Variants in FHIT observed in about 807,000 individuals in gnomAD.
The protein encoded by FHIT is fragile histidine triad diadenosine triphosphatase.
Under a neutral mutation model 17.9 loss-of-function variants are expected in FHIT, and 19 were observed. The ratio of observed to expected loss-of-function variants is 1.06; its 90% CI spans 0.74 to 1.56. The LOEUF (loss-of-function observed/expected upper bound fraction) is 1.56. FHIT is among the 40% of genes most tolerant of loss of function. The probability of loss-of-function intolerance (pLI) is 0.00; values close to 1 mark genes in which losing one functional copy is unlikely to be tolerated. For missense variants in FHIT, 248 were observed against 189.2 expected (o/e 1.31, Z -1.82); for synonymous variants, 81 against 69.7 (o/e 1.16, Z -0.81).
chr3:60,862,720 T>C lies in FHIT; in HGVS notation c.-110-40709A>G, dbSNP rs113706103. On this transcript the variant is annotated intron_variant, in intron 3 of 9. Transcript: ENST00000492590. The stretch of plus-strand genomic sequence containing the variant: ...TACAAAACTTAGCCAGGCATGGTGG[T>C]GAGTGCCTGTAATCCCAGCTACTTG... 8.8e-3 allele frequency among the ~76,000 whole-genome samples: 1,339 copies of C among 151,884 alleles called. 19 individuals are homozygous for C. Among genetic ancestry groups the C allele is most frequent in the African/African-American group, 0.029 (1,221 of 41,430 alleles).
chr3:61,127,654 C>T (rs1235401212), intron 2 of FHIT, among the ~76,000 whole-genome samples: 5 of 152,052 alleles, frequency 3.3e-5, no homozygotes, highest in Non-Finnish European at 7.4e-5. Context: ...CACCTGAGGT[C>T]AGGAGTTCGA....
At chr3:60,900,016 A>T (rs1553762822) in intron 3 of FHIT, among the ~76,000 whole-genome samples, 1 of 152,180 alleles carries the variant, frequency 6.6e-6, no homozygotes, top group African/African-American at 2.4e-5. Context: ...TTGCCTAGCT[A>T]AGAATCTGCT....
intron 2 of FHIT, among the ~76,000 whole-genome samples, chr3:61,134,285 A>G (rs1268506210): frequency 6.6e-6 from 1 of 152,194 alleles, no homozygotes; most frequent in African/African-American, 2.4e-5. Context: ...CCAAACTCCC[A>G]AAGAAAAGCT....
intron 2 of FHIT, among the ~76,000 whole-genome samples, chr3:61,121,246 C>A (rs1204758138): frequency 6.6e-6 from 1 of 152,088 alleles, no homozygotes; most frequent in Non-Finnish European, 1.5e-5. Context: ...ACAGAGAACG[C>A]CACAAATATA....
chr3:60,903,672 A>G (rs1201130170), intron 3 of FHIT, among the ~76,000 whole-genome samples: 4 of 152,252 alleles, frequency 2.6e-5, no homozygotes, highest in Non-Finnish European at 4.4e-5. Flanking sequence ...ATGGTAATAA[A>G]TGAAGTTGCA....
intron 5 of FHIT, among the ~76,000 whole-genome samples, chr3:60,441,800 A>ATATGTGTGTGTGTGTGTG (rs2030896060): frequency 8.7e-6 from 1 of 114,754 alleles, no homozygotes; most frequent in African/African-American, 3.1e-5. Flanking sequence ...ATATATATAT[A>ATATGTGTGTGTGTGTGTG]TATATATATA....
intron 4 of FHIT, among the ~76,000 whole-genome samples, chr3:60,546,739 T>C (rs1343049135): frequency 2.6e-5 from 4 of 152,178 alleles, no homozygotes; most frequent in African/African-American, 9.6e-5. Context: ...TGCCACTCTC[T>C]TCCTGATCTT....
At chr3:60,969,518 A>G (rs1709906144) in intron 3 of FHIT, among the ~76,000 whole-genome samples, 1 of 152,116 alleles carries the variant, frequency 6.6e-6, no homozygotes, top group African/African-American at 2.4e-5. Flanking sequence ...TTTAGCTGCA[A>G]CATCAAAGCT....
chr3:60,500,806 G>C (rs1001778998), intron 5 of FHIT, among the ~76,000 whole-genome samples: 8 of 134,898 alleles, frequency 5.9e-5, no homozygotes, highest in African/African-American at 2.3e-4. Flanking sequence ...AATTGTATTG[G>C]TGCTCTATTC....
At chr3:61,069,920 G>T (rs1318275191) in intron 2 of FHIT, among the ~76,000 whole-genome samples, 1 of 152,090 alleles carries the variant, frequency 6.6e-6, no homozygotes, top group Non-Finnish European at 1.5e-5. Context: ...TTTTGTTGTT[G>T]TTGTCATTGT....
At position 60,983,715 on chromosome 3, in the gene FHIT, G is replaced by A. The variant is rs973096923; in HGVS notation, c.-111+58332C>T. 2.6e-5 allele frequency among the ~76,000 whole-genome samples: 4 copies of A among 152,260 alleles called. No homozygotes were observed. In the South Asian group the frequency reaches 8.3e-4, roughly 32 times the overall value. On this transcript the variant is annotated intron_variant, in intron 3 of 9. Transcript: ENST00000492590. ...AACTAAGTCTCGTACTGATGGGTAG[G>A]AAGGTGATGACTGTCCAAATGTAGT...
At chr3:59,953,753 T>C (rs1482850619) in intron 7 of FHIT, among the ~76,000 whole-genome samples, 11 of 152,204 alleles carry the variant, frequency 7.2e-5, no homozygotes, top group Admixed American at 7.2e-4. Flanking sequence ...TCTCTGCATG[T>C]CAAAAACCTC....
Position 60,014,157 on chromosome 3 carries a change from A to G in FHIT, c.104-5T>C, listed in dbSNP as rs754625125. On this transcript the variant is annotated splice_region_variant and splice_polypyrimidine_tract_variant and intron_variant, in intron 5 of 9. Transcript: ENST00000492590. Reference sequence around the variant, plus strand: ...GCAGCGGGCACACAAGGACATCTGTAGCAAGGTCTGTTAAGGCCCATGCTG... The same window carrying G: ...GCAGCGGGCACACAAGGACATCTGTGGCAAGGTCTGTTAAGGCCCATGCTG... The G allele has an allele frequency of 2.2e-5, 35 of 1,613,822 alleles. No homozygotes were observed. Among genetic ancestry groups the G allele is most frequent in the Non-Finnish European group, 2.9e-5 (34 of 1,179,924 alleles).
At chr3:60,309,051 A>G (rs1708816565) in intron 5 of FHIT, among the ~76,000 whole-genome samples, 1 of 152,192 alleles carries the variant, frequency 6.6e-6, no homozygotes, top group South Asian at 2.1e-4. Context: ...CACCTCTGGT[A>G]AACAGGATTC....
chr3:60,965,332 C>T (rs1709670866), intron 3 of FHIT, among the ~76,000 whole-genome samples: 1 of 152,158 alleles, frequency 6.6e-6, no homozygotes, highest in African/African-American at 2.4e-5. Context: ...AGCGATTCGT[C>T]TAATCTTTTT....
At chr3:60,068,153 T>C (rs1702601738) in intron 5 of FHIT, among the ~76,000 whole-genome samples, 1 of 152,082 alleles carries the variant, frequency 6.6e-6, no homozygotes, top group African/African-American at 2.4e-5. Context: ...GGAGAATTCT[T>C]TGAACCAGGA....
intron 5 of FHIT, among the ~76,000 whole-genome samples, chr3:60,513,348 G>A (rs1360307294): frequency 1.3e-5 from 2 of 152,058 alleles, no homozygotes; most frequent in Non-Finnish European, 1.5e-5. Context: ...AATTTCCCAG[G>A]TATTTTTCTT....
intron 3 of FHIT, among the ~76,000 whole-genome samples, chr3:60,958,152 T>C (rs1430016247): frequency 2.0e-5 from 3 of 152,202 alleles, no homozygotes; most frequent in Admixed American, 2.0e-4. Context: ...TCTGTGCTTA[T>C]ATTTAAGCTA....
At chr3:60,673,561 T>C (rs1254882051) in intron 4 of FHIT, among the ~76,000 whole-genome samples, 2 of 151,968 alleles carry the variant, frequency 1.3e-5, no homozygotes, top group Non-Finnish European at 2.9e-5. Flanking sequence ...TCAGGATAAA[T>C]AGCTAATGCA....
Sources: gnomAD v4.1 joint callset for allele counts (sites outside exome capture counted in the v4.1 genomes callset) on GRCh38, gnomAD v4.1.1 for gene constraint, MANE v1.5 for transcripts, NCBI Gene and HGNC (gene_info 2026-07-23, HGNC 2026-07-21) for gene names.